Variants in LUZP2 observed in about 807,000 individuals in gnomAD.
LUZP2 encodes the protein leucine zipper protein 2.
A neutral mutation model predicts 51.6 loss-of-function variants in LUZP2; 52 were observed. The observed-to-expected ratio is 1.01, with a 90% CI of 0.81 to 1.27. The LOEUF is 1.27. LUZP2 is among the 50% of genes most tolerant of loss of function. LUZP2 has a pLI of 0.00. For missense variants in LUZP2, 436 were observed against 395.4 expected (o/e 1.10, Z -0.87); for synonymous variants, 154 against 137.3 (o/e 1.12, Z -0.85).
intron 4 of LUZP2, among the ~76,000 whole-genome samples, chr11:24,757,541 T>G (rs1385508750): frequency 2.0e-5 from 3 of 152,014 alleles, no homozygotes; most frequent in Non-Finnish European, 2.9e-5. Context: ...ATGACATTAA[T>G]TCAAGAAGTT....
At chr11:25,028,556 C>A (rs965197704) in intron 9 of LUZP2, among the ~76,000 whole-genome samples, 2 of 152,122 alleles carry the variant, frequency 1.3e-5, no homozygotes, top group Admixed American at 1.3e-4. Context: ...ACCATCTTTG[C>A]ACGTTCTCAT....
chr11:24,577,141 T>C (rs537965669), intron 1 of LUZP2, among the ~76,000 whole-genome samples: 6 of 126,964 alleles, frequency 4.7e-5, no homozygotes, highest in African/African-American at 1.6e-4. Context: ...ATTAATTGTT[T>C]ATCTGAAAAA....
chr11:25,075,158 A>G (rs1021747275), intron 10 of LUZP2, among the ~76,000 whole-genome samples: 1 of 152,200 alleles, frequency 6.6e-6, no homozygotes, highest in African/African-American at 2.4e-5. Context: ...TATAAATCAT[A>G]CAACAAGAAA....
At chr11:24,883,201 T>C (rs1166696273) in intron 5 of LUZP2, among the ~76,000 whole-genome samples, 49 of 151,958 alleles carry the variant, frequency 3.2e-4, no homozygotes, top group Admixed American at 3.2e-3. Flanking sequence ...AATTTTTTAA[T>C]GGATACATAC....
chr11:24,939,681 C>T (rs1854690606), intron 7 of LUZP2, among the ~76,000 whole-genome samples: 2 of 152,070 alleles, frequency 1.3e-5, no homozygotes, highest in African/African-American at 2.4e-5. Context: ...GTCATAGAAA[C>T]TTGCTGAAAT....
chr11:24,988,741 A>G (rs1337606161), intron 9 of LUZP2, among the ~76,000 whole-genome samples: 51 of 152,048 alleles, frequency 3.4e-4, no homozygotes, highest in Admixed American at 3.3e-3. Context: ...TACATTTAAT[A>G]ACTATGTATT....
intron 5 of LUZP2, among the ~76,000 whole-genome samples, chr11:24,791,973 A>G (rs1238415267): frequency 7.4e-6 from 1 of 135,232 alleles, no homozygotes; most frequent in Non-Finnish European, 1.6e-5. Flanking sequence ...TTTTTTTTCC[A>G]TTCAATCCAA....
chr11:25,042,121 T>A (rs1858082888), intron 9 of LUZP2, among the ~76,000 whole-genome samples: 1 of 152,138 alleles, frequency 6.6e-6, no homozygotes, highest in South Asian at 2.1e-4. Flanking sequence ...TATATCAATT[T>A]GTTAAAATTT....
At chr11:24,564,418 A>T (rs560919925) in intron 1 of LUZP2, among the ~76,000 whole-genome samples, 1 of 152,208 alleles carries the variant, frequency 6.6e-6, no homozygotes, top group Non-Finnish European at 1.5e-5. Context: ...GCAAATTACT[A>T]TCACAAAAAT....
At chr11:24,932,782 C>A (rs946226395) in intron 7 of LUZP2, among the ~76,000 whole-genome samples, 5 of 152,210 alleles carry the variant, frequency 3.3e-5, no homozygotes, top group Admixed American at 6.5e-5. Context: ...CCTGCCGCAG[C>A]TTCTGTGTAG....
intron 5 of LUZP2, among the ~76,000 whole-genome samples, chr11:24,793,084 T>C (rs781625424): frequency 3.3e-5 from 5 of 152,188 alleles, no homozygotes; most frequent in Non-Finnish European, 5.9e-5. Flanking sequence ...TGTTTCTTCA[T>C]AGTACTTTAT....
At chr11:24,876,115 C>T (rs1359581203) in intron 5 of LUZP2, among the ~76,000 whole-genome samples, 2 of 151,428 alleles carry the variant, frequency 1.3e-5, no homozygotes, top group African/African-American at 4.9e-5. Flanking sequence ...TAATTAGATC[C>T]CATTTGTCAA....
chr11:24,814,624 T>C (rs1246335418), intron 5 of LUZP2, among the ~76,000 whole-genome samples: 3 of 152,224 alleles, frequency 2.0e-5, no homozygotes, highest in African/African-American at 7.2e-5. Flanking sequence ...AGATGACTTA[T>C]GGTAGTTACA....
intron 10 of LUZP2, among the ~76,000 whole-genome samples, chr11:25,065,868 T>C (rs1858983857): frequency 6.6e-6 from 1 of 152,046 alleles, no homozygotes; most frequent in South Asian, 2.1e-4. Context: ...ACCTTCACTA[T>C]GATTCATCAA....
At chr11:24,797,211 A>AG in intron 5 of LUZP2, among the ~76,000 whole-genome samples, 1 of 152,322 alleles carries the variant, frequency 6.6e-6, no homozygotes, top group East Asian at 1.9e-4. Context: ...ACATTACGAT[A>AG]TGTCATAATG....
Position 24,904,441 on chromosome 11 carries a change from C to A in LUZP2, c.397-1550C>A, listed in dbSNP as rs572406053. 5.3e-5 allele frequency among the ~76,000 whole-genome samples: 8 copies of A among 152,140 alleles called. No individual in the cohort carries two copies. In the East Asian group the frequency reaches 1.6e-3, roughly 29 times the overall value. On this transcript the variant is annotated intron_variant, in intron 5 of 11. Transcript: ENST00000336930. ...GGGACTGCAGGCACCCACCACCACG[C>A]CCGGCTAATTTTTTTGTATTTTTAG...
chr11:24,829,514 G>A (rs969548200), intron 5 of LUZP2, among the ~76,000 whole-genome samples: 1 of 152,128 alleles, frequency 6.6e-6, no homozygotes, highest in Non-Finnish European at 1.5e-5. Flanking sequence ...AAATATATGT[G>A]ATTATATATG....
At chr11:24,680,442 A>G (rs1856696408) in intron 1 of LUZP2, among the ~76,000 whole-genome samples, 1 of 152,204 alleles carries the variant, frequency 6.6e-6, no homozygotes, top group South Asian at 2.1e-4. Context: ...GTCTAATCCA[A>G]CCCAGACTTC....
intron 1 of LUZP2, among the ~76,000 whole-genome samples, chr11:24,682,239 A>G (rs1387654095): frequency 6.6e-6 from 1 of 152,108 alleles, no homozygotes; most frequent in East Asian, 1.9e-4. Context: ...TCACACCTGT[A>G]ATCCCAGCAC....
Sources: gnomAD v4.1 joint callset for allele counts (sites outside exome capture counted in the v4.1 genomes callset) on GRCh38, gnomAD v4.1.1 for gene constraint, MANE v1.5 for transcripts, NCBI Gene and HGNC (gene_info 2026-07-23, HGNC 2026-07-21) for gene names.